The following AGT variants were observed in gnomAD, a reference collection of about 807,000 sequenced individuals.
AGT encodes angiotensinogen.
In AGT, 26 loss-of-function variants were observed where a neutral mutation model predicts 28.1. That is an observed-to-expected ratio of 0.92 (90% confidence interval 0.68 to 1.28). AGT has a LOEUF of 1.28. AGT is among the 50% of genes most tolerant of loss of function. The probability of loss-of-function intolerance (pLI) is 0.00; values close to 1 mark genes in which losing one functional copy is unlikely to be tolerated. For synonymous variants in AGT, 259 were observed against 259.6 expected (o/e 1.00, Z 0.02); for missense variants, 596 against 592.3 (o/e 1.01, Z -0.06).
chr1:230,730,142 A>G (rs927065519), intron 1 of AGT, among the ~76,000 whole-genome samples: 1 of 151,914 alleles, frequency 6.6e-6, no homozygotes, highest in Non-Finnish European at 1.5e-5. Context: ...GCTGTTCTCA[A>G]ACTCCTGACC....
chr1:230,710,061 C>T lies in AGT; in HGVS notation c.763G>A (p.Gly255Ser), dbSNP rs147721058. ...ACACTGGCTCCCATCAGGGAGCAGC[C>T]AGTCTTCCATCCTGTCACAGCCTGC... ...FMQAVTGWKT[G>S]CSLMGASVDS... The change falls in exon 2 of 5, where the codon GGC (glycine) becomes AGC (serine). Residue 255 changes from glycine to serine, a missense_variant. Physicochemically the swap from Gly to Ser is moderately conservative, Grantham distance 56 (BLOSUM62 0). Transcript: ENST00000366667. The T allele has an allele frequency of 3.5e-5, 57 of 1,614,198 alleles. No individual in the cohort carries two copies. In the African/African-American group the frequency reaches 6.5e-4, roughly 18 times the overall value.
chr1:230,707,529 C>T (rs1007881694), intron 2 of AGT, among the ~76,000 whole-genome samples: 1 of 152,078 alleles, frequency 6.6e-6, no homozygotes, highest in African/African-American at 2.4e-5. Context: ...GTCCGGGTCT[C>T]GTAAGAAGGC....
upstream of AGT, among the ~76,000 whole-genome samples, chr1:230,715,232 T>C (rs148730961): frequency 1.3e-5 from 2 of 152,354 alleles, no homozygotes; most frequent in Non-Finnish European, 2.9e-5. Context: ...CCCATTACTC[T>C]AAATCTTCAT....
chr1:230,707,509 C>G (rs1663423338), intron 2 of AGT, among the ~76,000 whole-genome samples: 3 of 152,262 alleles, frequency 2.0e-5, no homozygotes, highest in South Asian at 4.1e-4. Context: ...CATGGCTGTG[C>G]CTCCCCTGGG....
chr1:230,722,113 G>A (rs1022553744), intron 1 of AGT, among the ~76,000 whole-genome samples: 4 of 151,848 alleles, frequency 2.6e-5, no homozygotes, highest in Non-Finnish European at 4.4e-5. Context: ...GGTGTCCTAC[G>A]TTCCAACCCC....
chr1:230,719,458 A>C (rs1663803813), upstream of AGT, among the ~76,000 whole-genome samples: 2 of 134,692 alleles, frequency 1.5e-5, no homozygotes, highest in East Asian at 4.4e-4. Flanking sequence ...CCCAGGCTGG[A>C]GTGCAGTGGC....
At chr1:230,716,135 C>G (rs1663730837), upstream of AGT, among the ~76,000 whole-genome samples, 2 of 152,146 alleles carry the variant, frequency 1.3e-5, no homozygotes, top group South Asian at 4.1e-4. Flanking sequence ...TAATCCATGC[C>G]CAAGGCTGAC....
At chr1:230,742,733 A>G in intron 1 of AGT, among the ~76,000 whole-genome samples, 1 of 152,166 alleles carries the variant, frequency 6.6e-6, no homozygotes, top group Admixed American at 6.5e-5. Flanking sequence ...GCTGGACCAT[A>G]ATTTTCTTTA....
chr1:230,728,611 T>C (rs1327160028), intron 1 of AGT, among the ~76,000 whole-genome samples: 3 of 152,206 alleles, frequency 2.0e-5, no homozygotes, highest in African/African-American at 7.2e-5. Context: ...GCCACGATAA[T>C]AAAATGCTGC....
rs74315283 is a variant in AGT at position 230,705,933 on chromosome 1, C to A, written c.1097G>T (p.Arg366Leu). ...SLNWMKKLSP[R>L]TIHLTMPQLV... ...CCAGGGGAGACCGGGAGGCTCCTAC[C>A]GGGGAGATAGTTTCTTCATCCAGTT... is the stretch of plus-strand genomic sequence containing the variant. Residue 366 changes from arginine to leucine, a missense_variant and splice_region_variant, in exon 3 of 5, where the codon CGG becomes CTG. Physicochemically the swap from Arg to Leu is moderately radical, Grantham distance 102. Coordinates refer to ENST00000366667, the MANE Select transcript of AGT (RefSeq NM_001384479.1). 14 of 1,613,874 alleles carry A rather than the reference C, an allele frequency of 8.7e-6. No individual in the cohort carries two copies. The highest frequency in any genetic ancestry group is 1.2e-5 in the Non-Finnish European group (14 of 1,179,984).
chr1:230,730,854 C>T (rs1007106377), intron 1 of AGT, among the ~76,000 whole-genome samples: 1 of 152,114 alleles, frequency 6.6e-6, no homozygotes, highest in African/African-American at 2.4e-5. Flanking sequence ...AATTATTAGG[C>T]CCAGATAGGC....
At chr1:230,731,683 T>A (rs6688646) in intron 1 of AGT, among the ~76,000 whole-genome samples, 23,028 of 152,060 alleles carry the variant, frequency 0.15, 2,322 homozygotes, top group East Asian at 0.49. Context: ...CTGGCCAACA[T>A]GGTGAAACCC....
At chr1:230,732,906 T>C (rs2478516) in intron 1 of AGT, among the ~76,000 whole-genome samples, 26,766 of 152,024 alleles carry the variant, frequency 0.18, 2,454 homozygotes, top group Middle Eastern at 0.31. Context: ...TTGAGGACTA[T>C]ACTGTATTAA....
At chr1:230,744,367 G>A (rs908761157) in intron 1 of AGT, among the ~76,000 whole-genome samples, 1 of 152,244 alleles carries the variant, frequency 6.6e-6, no homozygotes, top group East Asian at 1.9e-4. Flanking sequence ...GGGCTGAGCT[G>A]GGAGCAGGAT....
chr1:230,708,519 A>C (rs1297857298), intron 2 of AGT, among the ~76,000 whole-genome samples: 2 of 151,616 alleles, frequency 1.3e-5, no homozygotes, highest in African/African-American at 2.4e-5. Flanking sequence ...CCCCCCATCT[A>C]TCACCTCTCC....
upstream of AGT, among the ~76,000 whole-genome samples, chr1:230,718,511 T>A (rs1475823570): frequency 1.3e-5 from 2 of 152,064 alleles, no homozygotes; most frequent in African/African-American, 4.8e-5. Context: ...CTGCTTTGTA[T>A]CATTTGACCT....
At chr1:230,745,202 C>T (rs1664326042) in intron 1 of AGT, among the ~76,000 whole-genome samples, 1 of 152,168 alleles carries the variant, frequency 6.6e-6, no homozygotes, top group Non-Finnish European at 1.5e-5. Flanking sequence ...CAGAAGGAGA[C>T]CATGAAATTC....
intron 1 of AGT, among the ~76,000 whole-genome samples, chr1:230,736,165 T>TTGTGTGTGTGTGTG (rs375559522): frequency 1.1e-3 from 160 of 149,532 alleles, no homozygotes; most frequent in African/African-American, 3.9e-3. Context: ...AAGGCAAAGT[T>TTGTGTGTGTGTGTG]TGTGTGTGTG....
chr1:230,708,848 C>T (rs761029957), intron 2 of AGT, among the ~76,000 whole-genome samples: 5 of 152,176 alleles, frequency 3.3e-5, no homozygotes, highest in South Asian at 2.1e-4. Context: ...CTGAACAGAA[C>T]GCGTCCCCAT....
Sources: gnomAD v4.1 joint callset for allele counts (sites outside exome capture counted in the v4.1 genomes callset) on GRCh38, gnomAD v4.1.1 for gene constraint, MANE v1.5 for transcripts, NCBI Gene and HGNC (gene_info 2026-07-23, HGNC 2026-07-21) for gene names.